Variants in NFIB observed in about 807,000 individuals in gnomAD.
NFIB encodes the protein nuclear factor 1 B-type.
A neutral mutation model predicts 61.5 loss-of-function variants in NFIB; 11 were observed. The observed-to-expected ratio is 0.18, with a 90% CI of 0.11 to 0.30. NFIB has a LOEUF of 0.30. Ranked by LOEUF, NFIB falls within the 10% of genes least tolerant of loss-of-function variation. The probability of loss-of-function intolerance (pLI) is 1.00; values close to 1 mark genes in which losing one functional copy is unlikely to be tolerated. For missense variants in NFIB, 471 were observed against 608.9 expected, an observed-to-expected ratio of 0.77 and a Z score of 2.38; for synonymous variants, 260 against 216.5, an observed-to-expected ratio of 1.20 and a Z score of -1.76.
chr9:14,083,470 C>A lies in NFIB; in HGVS notation c.*4839G>T, dbSNP rs574024692. 1 of 197,466 alleles carries A rather than the reference C, an allele frequency of 5.1e-6. No individual in the cohort carries two copies. The highest frequency in any genetic ancestry group is 7.1e-5 in the East Asian group (1 of 14,078). The allele number at this position is 197,466 out of a possible 1,614,324, so 12.2% of individuals were successfully genotyped here. ...AGCTTTTACTATTGAACTTGAATAG[C>A]CTGCACATTAAAAAAAAAAAAAAAA... On this transcript the variant is annotated 3_prime_UTR_variant, in exon 11 of 11. Transcript: ENST00000380953.
At chr9:14,354,157 A>C (rs986767370) in intron 1 of NFIB, among the ~76,000 whole-genome samples, 4 of 152,074 alleles carry the variant, frequency 2.6e-5, no homozygotes, top group African/African-American at 9.7e-5. Context: ...TTATTTTTTC[A>C]ATCTACAGGC....
intron 2 of NFIB, chr9:14,204,799 G>A: frequency 2.0e-6 from 1 of 501,710 alleles, no homozygotes. Flanking sequence ...GCAATATCAA[G>A]GGGAAGACAA....
chr9:14,245,350 T>C (rs542370143), intron 2 of NFIB, among the ~76,000 whole-genome samples: 4 of 152,076 alleles, frequency 2.6e-5, no homozygotes, highest in Non-Finnish European at 5.9e-5. Context: ...TTCTTGCTGC[T>C]CTCCTGACTT....
chr9:14,236,620 C>T (rs1480818287), intron 2 of NFIB, among the ~76,000 whole-genome samples: 1 of 152,274 alleles, frequency 6.6e-6, no homozygotes, highest in South Asian at 2.1e-4. Flanking sequence ...AGACAGTCCT[C>T]ACGTCATTGC....
intron 1 of NFIB, among the ~76,000 whole-genome samples, chr9:14,323,707 A>C (rs2060714090): frequency 6.6e-6 from 1 of 152,210 alleles, no homozygotes; most frequent in Admixed American, 6.5e-5. Flanking sequence ...TCAGTATTTT[A>C]ATCTCAATTA....
chr9:14,276,843 G>A (rs1333983337), intron 2 of NFIB, among the ~76,000 whole-genome samples: 4 of 151,826 alleles, frequency 2.6e-5, no homozygotes. Flanking sequence ...TTCAAGTATT[G>A]TAAACTGAAT....
intron 6 of NFIB, among the ~76,000 whole-genome samples, chr9:14,132,107 C>G (rs548354326): frequency 6.6e-6 from 1 of 152,206 alleles, no homozygotes; most frequent in South Asian, 2.1e-4. Flanking sequence ...TGTAAGAACA[C>G]GCAAGAATTC....
intron 2 of NFIB, among the ~76,000 whole-genome samples, chr9:14,207,955 G>C (rs532890666): frequency 2.0e-4 from 30 of 152,282 alleles, no homozygotes; most frequent in African/African-American, 6.7e-4. Context: ...TTGAATTTAG[G>C]TGGTGGGTTC....
intron 1 of NFIB, among the ~76,000 whole-genome samples, chr9:14,334,890 T>C (rs527237452): frequency 2.6e-5 from 4 of 152,370 alleles, no homozygotes; most frequent in African/African-American, 9.6e-5. Context: ...TCTATCATTA[T>C]AGCTTAATTT....
chr9:14,525,953 T>C, the NFIB span, among the ~76,000 whole-genome samples: 988 of 152,270 alleles, frequency 6.5e-3, 11 homozygotes, highest in Middle Eastern at 0.061. Flanking sequence ...GTGGACCTTG[T>C]ATTTACAAAG....
At position 14,155,467 on chromosome 9, in the gene NFIB, C is replaced by T. The variant is rs551694064; in HGVS notation, c.685+358G>A. Among the ~76,000 whole-genome samples, 155 of 152,248 alleles carry T rather than the reference C, an allele frequency of 1.0e-3. 2 individuals are homozygous for T. In the South Asian group the frequency reaches 0.024, roughly 23 times the overall value. ...GTTAGTAAAATGAAAAAGCACTTAT[C>T]TACAGGAAACTTATGTGGGTTATCA... On this transcript the variant is annotated intron_variant, in intron 4 of 10. Transcript: ENST00000380953.
intron 2 of NFIB, among the ~76,000 whole-genome samples, chr9:14,273,285 A>C (rs1404332832): frequency 1.3e-5 from 2 of 152,202 alleles, no homozygotes. Context: ...GTCAAACTAC[A>C]ATAGGCCTTG....
At chr9:14,271,840 C>T (rs1243142387) in intron 2 of NFIB, among the ~76,000 whole-genome samples, 1 of 152,184 alleles carries the variant, frequency 6.6e-6, no homozygotes, top group African/African-American at 2.4e-5. Flanking sequence ...GAACGTGACC[C>T]TGTGTCATCT....
the NFIB span, among the ~76,000 whole-genome samples, chr9:14,503,106 A>G: frequency 0.43 from 64,414 of 149,278 alleles, 14,381 homozygotes; most frequent in South Asian, 0.64. Context: ...ATATATATAT[A>G]TGTGTGTATG....
chr9:14,454,281 G>A, the NFIB span, among the ~76,000 whole-genome samples: 3 of 152,190 alleles, frequency 2.0e-5, no homozygotes, highest in Non-Finnish European at 4.4e-5. Context: ...TATTAATAAG[G>A]AATTGTGGAA....
chr9:14,288,787 C>T (rs1010516887), intron 2 of NFIB, among the ~76,000 whole-genome samples: 3 of 152,010 alleles, frequency 2.0e-5, no homozygotes, highest in Admixed American at 1.3e-4. Flanking sequence ...GTAAATTACT[C>T]GGACAAGGCC....
At chr9:14,348,383 A>G (rs1346402619) in intron 1 of NFIB, among the ~76,000 whole-genome samples, 2 of 151,452 alleles carry the variant, frequency 1.3e-5, no homozygotes, top group Non-Finnish European at 2.9e-5. Context: ...TACAGCCTGA[A>G]GCAGCTTATT....
intron 10 of NFIB, among the ~76,000 whole-genome samples, chr9:14,092,389 C>T (rs2034065953): frequency 6.6e-6 from 1 of 152,160 alleles, no homozygotes; most frequent in Middle Eastern, 3.4e-3. Context: ...TCTCAGTGAG[C>T]TCATGAGATG....
At chr9:14,091,070 C>A (rs907729098) in intron 10 of NFIB, among the ~76,000 whole-genome samples, 1 of 151,844 alleles carries the variant, frequency 6.6e-6, no homozygotes, top group African/African-American at 2.4e-5. Context: ...ACATTATGAC[C>A]ATATCAAAAT....
Sources: gnomAD v4.1 joint callset for allele counts (sites outside exome capture counted in the v4.1 genomes callset) on GRCh38, gnomAD v4.1.1 for gene constraint, MANE v1.5 for transcripts, NCBI Gene and HGNC (gene_info 2026-07-23, HGNC 2026-07-21) for gene names.